The following USP5 variants were observed in gnomAD, a reference collection of about 807,000 sequenced individuals.
USP5 encodes the protein ubiquitin specific peptidase 5.
A neutral mutation model predicts 102.5 loss-of-function variants in USP5; 24 were observed. The ratio of observed to expected loss-of-function variants is 0.23; its 90% CI spans 0.17 to 0.33. The LOEUF (loss-of-function observed/expected upper bound fraction) is 0.33, where lower values mean the gene tolerates loss of function less well. Ranked by LOEUF, USP5 falls within the 10% of genes least tolerant of loss-of-function variation. The pLI, the probability that USP5 is intolerant of heterozygous loss-of-function variation, is 1.00. For missense variants in USP5, 753 were observed against 1,122.1 expected, an observed-to-expected ratio of 0.67 and a Z score of 4.70; for synonymous variants, 460 against 434.8, an observed-to-expected ratio of 1.06 and a Z score of -0.72.
In USP5 at chr12:6,865,251, G is replaced by A. The variant is rs1017601613; in HGVS notation, c.2483+3G>A. 6 of 1,613,346 alleles carry A rather than the reference G, an allele frequency of 3.7e-6. No homozygotes were observed. The highest frequency in any genetic ancestry group is 1.7e-5 in the Admixed American group (1 of 60,006). On this transcript the variant is annotated splice_donor_region_variant and intron_variant, in intron 19 of 19. Coordinates refer to ENST00000229268, the MANE Select transcript of USP5 (RefSeq NM_001098536.2). ...TGCCACATCAAGAAAGAAGGCAGGT[G>A]AGTGCTGGCCACATGCGTTTTGAAT...
Position 6,864,036 on chromosome 12 carries a change from C to T in USP5, c.2099-14C>T, listed in dbSNP as rs1555130174. ...CATCCTCCCCCAAACACATCAACCCCTTCACATCCACAGATTTTGCAAACC... is the reference window on the plus strand; with the variant it reads ...CATCCTCCCCCAAACACATCAACCCTTTCACATCCACAGATTTTGCAAACC... On this transcript the variant is annotated splice_polypyrimidine_tract_variant and intron_variant, in intron 16 of 19. Coordinates refer to ENST00000229268, the MANE Select transcript of USP5 (RefSeq NM_001098536.2). The surrounding 1 kb of genome is among the most constrained non-coding windows in gnomAD (Gnocchi z 4.8). 6.3e-7 allele frequency: 1 copy of T among 1,595,848 alleles called. No individual in the cohort carries two copies. The highest frequency in any genetic ancestry group is 1.7e-5 in the Admixed American group (1 of 58,388).
At position 6,865,122 on chromosome 12, in the gene USP5, C is replaced by T. The variant is rs1944397697; in HGVS notation, c.2399-42C>T. 5 of 1,543,098 alleles carry T rather than the reference C, an allele frequency of 3.2e-6. No individual in the cohort carries two copies. The Admixed American group carries it at 6.7e-5, about 21-fold the overall frequency. ...ATCTTTGGGCCATCACTCAAGCATT[C>T]CTCTTCTGTTTCCTTCTCTGACCCC... is the stretch of plus-strand genomic sequence containing the variant. On this transcript the variant is annotated intron_variant, in intron 18 of 19. Coordinates refer to ENST00000229268, the MANE Select transcript of USP5 (RefSeq NM_001098536.2).
intron 13 of USP5, 100 bp from the exon 14 acceptor site, chr12:6,862,370 T>A: frequency 9.7e-7 from 1 of 1,032,730 alleles, no homozygotes; most frequent in Non-Finnish European, 1.5e-6. Flanking sequence ...TTCTGGGTTA[T>A]TGGGACTTCT....
Position 6,859,631 on chromosome 12 carries a change from T to A in USP5, c.1130+90T>A, listed in dbSNP as rs185292868. ...TGACCGCCTGGGGGGCACAGCACTT[T>A]AACCCCTGGCCTTTTTTTGTTTTGT... is the stretch of plus-strand genomic sequence containing the variant. On this transcript the variant is annotated intron_variant, in intron 9 of 19. Coordinates refer to ENST00000229268, the MANE Select transcript of USP5 (RefSeq NM_001098536.2). 5.3e-4 allele frequency: 688 copies of A among 1,287,080 alleles called. 4 individuals carry two copies. In the African/African-American group the frequency reaches 8.9e-3, roughly 17 times the overall value. 79.7% of individuals were successfully genotyped at this position (1,287,080 alleles called of 1,614,324 possible). A position where few individuals can be genotyped will look rare whatever the true frequency, so the allele number is the denominator to read the frequency against.
intron 1 of USP5, among the ~76,000 whole-genome samples, chr12:6,853,791 G>C (rs1055738363): frequency 1.3e-5 from 2 of 152,218 alleles, no homozygotes; most frequent in Non-Finnish European, 1.5e-5. Flanking sequence ...GCTCATGGTA[G>C]AAAGAGCTTA....
rs1555128456 is a variant in USP5, at chr12:6,856,881, T to C, written c.759T>C (p.Pro253=). 1.2e-6 allele frequency: 2 copies of C among 1,613,688 alleles called. No homozygotes were observed. The change falls in exon 6 of 20, where the codon CCT becomes CCC. Residue 253 remains proline (P), a synonymous_variant. Coordinates refer to ENST00000229268, the MANE Select transcript of USP5 (RefSeq NM_001098536.2). This position sits in a 1 kb window ranked among gnomAD's most constrained non-coding sequence, Gnocchi z 5.6. ...CTGTCAAGCTGGGCACCATCACCCC[T>C]GATGGAGCTGGTACAGCCTCCCCTC... ...PLAVKLGTIT[P]DGADVYSYDE...
chr12:6,856,992 A>G lies in USP5; in HGVS notation c.769+101A>G. ...AATACATGAATGCATTATCTTGATA[A>G]GAAAGGAAAGTAGTCAGGTGCGGTG... On this transcript the variant is annotated intron_variant, in intron 6 of 19. Transcript: ENST00000229268. This position sits in a 1 kb window ranked among gnomAD's most constrained non-coding sequence, Gnocchi z 5.6. 7.0e-7 allele frequency: 1 copy of G among 1,422,070 alleles called. No individual in the cohort carries two copies. Among genetic ancestry groups the G allele is most frequent in the Non-Finnish European group, 9.4e-7 (1 of 1,065,156 alleles). The allele number at this position is 1,422,070 out of a possible 1,614,324, so 88.1% of individuals were successfully genotyped here. A position where few individuals can be genotyped will look rare whatever the true frequency, so the allele number is the denominator to read the frequency against.
intron 8 of USP5, among the ~76,000 whole-genome samples, chr12:6,859,268 G>A (rs782610703): frequency 3.3e-5 from 5 of 152,128 alleles, no homozygotes; most frequent in African/African-American, 9.7e-5. Context: ...CTCCTCTGCC[G>A]CCGAGCGTGC....
rs1394907745 is a variant in USP5 at position 6,855,109 on chromosome 12, G to A, written c.112-292G>A. On this transcript the variant is annotated intron_variant, in intron 1 of 19. Transcript: ENST00000229268. The surrounding 1 kb of genome is among the most constrained non-coding windows in gnomAD (Gnocchi z 4.6). ...AGCTCCAAAGCCCAAGAAGGAGCAG[G>A]TGGAAAGATAAATGGTGACTGGTGT... 1.3e-5 allele frequency among the ~76,000 whole-genome samples: 2 copies of A among 152,192 alleles called. No individual in the cohort carries two copies. The highest frequency in any genetic ancestry group is 2.9e-5 in the Non-Finnish European group (2 of 68,048).
Position 6,864,057 on chromosome 12 carries a change from A to T in USP5, c.2106A>T (p.Ala702=). The change falls in exon 17 of 20, where the codon GCA becomes GCT. Residue 702 remains alanine, a synonymous_variant. Coordinates refer to ENST00000229268, the MANE Select transcript of USP5 (RefSeq NM_001098536.2). The surrounding 1 kb of genome is among the most constrained non-coding windows in gnomAD (Gnocchi z 4.8). ...VMSHMDDPDF[A]NPLILPGSSG... ...ACCCCTTCACATCCACAGATTTTGCAAACCCCCTCATCCTGCCTGGCTCTA... is the reference window on the plus strand; with the variant it reads ...ACCCCTTCACATCCACAGATTTTGCTAACCCCCTCATCCTGCCTGGCTCTA... 6.2e-7 allele frequency: 1 copy of T among 1,605,412 alleles called. No homozygotes were observed. The highest frequency in any genetic ancestry group is 8.5e-7 in the Non-Finnish European group (1 of 1,174,782).
In USP5 at chr12:6,860,319, G is replaced by A; in HGVS notation, c.1219-47G>A. 1 of 1,613,748 alleles carries A rather than the reference G, an allele frequency of 6.2e-7. No individual in the cohort carries two copies. On this transcript the variant is annotated intron_variant, in intron 10 of 19. Transcript: ENST00000229268. This position sits in a 1 kb window ranked among gnomAD's most constrained non-coding sequence, Gnocchi z 5.5. ...TGGGAGATGTCTAAAGAAGGCCCCT[G>A]GATGGCCACTGAGCCCCAGCTGAGT...
In USP5 at chr12:6,857,638, C is replaced by A; in HGVS notation, c.779C>A (p.Ser260Ter). ...CTGCCTCCTGCTCTAGACGTGTACTCATATGATGAGGATGACATGGTCCTG... is the reference window on the plus strand; with the variant it reads ...CTGCCTCCTGCTCTAGACGTGTACTAATATGATGAGGATGACATGGTCCTG... ...TITPDGADVY[S>*]YDEDDMVLDP... is the part of the protein sequence containing the mutation. Residue 260 changes from serine (S) to a stop codon, truncating the protein, a stop_gained, in exon 7 of 20, where the codon TCA (serine) becomes TAA (stop). Coordinates refer to ENST00000229268, the MANE Select transcript of USP5 (RefSeq NM_001098536.2). LOFTEE classifies it high-confidence loss of function. 6.2e-7 allele frequency: 1 copy of A among 1,613,822 alleles called. No individual in the cohort carries two copies. The highest frequency in any genetic ancestry group is 8.5e-7 in the Non-Finnish European group (1 of 1,179,970).
At chr12:6,859,619 G>A in intron 9 of USP5, 78 bp downstream of exon 9, 1 of 1,410,894 alleles carries the variant, frequency 7.1e-7, no homozygotes, top group East Asian at 2.3e-5. Context: ...CCGCCTGGGG[G>A]GCACAGCACT....
In USP5 at chr12:6,860,376, A is replaced by G. The variant is rs898545059; in HGVS notation, c.1229A>G (p.Asp410Gly). The change falls in exon 11 of 20, where the codon GAT (aspartate) becomes GGT (glycine). Residue 410 changes from aspartate to glycine, a missense_variant. Physicochemically the swap from Asp to Gly is moderately conservative, Grantham distance 94. Around this residue, in one of 3 missense-constraint regions of USP5, gnomAD observed 527 missense variants for 816.5 expected, o/e 0.65. Coordinates refer to ENST00000229268, the MANE Select transcript of USP5 (RefSeq NM_001098536.2). The surrounding 1 kb of genome is among the most constrained non-coding windows in gnomAD (Gnocchi z 5.5). ...CCTGACTCTTCCCAGGAAGTTCAAG[A>G]TGGCATTGCCCCTCGGATGTTCAAG... ...ERVPEQKEVQ[D>G]GIAPRMFKAL... The G allele has an allele frequency of 6.2e-7, 1 of 1,614,156 alleles. No individual in the cohort carries two copies. Among genetic ancestry groups the G allele is most frequent in the Non-Finnish European group, 8.5e-7 (1 of 1,180,008 alleles).
In USP5 at chr12:6,856,750, C is replaced by T. The variant is rs782716586; in HGVS notation, c.628C>T (p.Leu210Phe). 3 of 1,614,018 alleles carry T rather than the reference C, an allele frequency of 1.9e-6. No individual in the cohort carries two copies. In the African/African-American group the frequency reaches 4.0e-5, roughly 22 times the overall value. ...GTGTGACATGAGAGAGAACCTGTGG[C>T]TCAACCTGACTGATGGCTCCATCCT... ...SKCDMRENLW[L>F]NLTDGSILCG... Residue 210 changes from leucine (L) to phenylalanine (F), a missense_variant, in exon 6 of 20, where the codon CTC (leucine) becomes TTC (phenylalanine). Coordinates refer to ENST00000229268, the MANE Select transcript of USP5 (RefSeq NM_001098536.2). This position sits in a 1 kb window ranked among gnomAD's most constrained non-coding sequence, Gnocchi z 5.6.
Position 6,861,067 on chromosome 12 carries a change from A to G in USP5, c.1459A>G (p.Met487Val), listed in dbSNP as rs782450306. 6.2e-7 allele frequency: 1 copy of G among 1,614,242 alleles called. No homozygotes were observed. Among genetic ancestry groups the G allele is most frequent in the Non-Finnish European group, 8.5e-7 (1 of 1,180,046 alleles). Residue 487 changes from methionine to valine, a missense_variant, in exon 12 of 20, where the codon ATG becomes GTG. Transcript: ENST00000229268. The surrounding 1 kb of genome is among the most constrained non-coding windows in gnomAD (Gnocchi z 4.9). The stretch of plus-strand genomic sequence containing the variant: ...GTACACCCAGCGAGTTGACTACATC[A>G]TGCAGCTGCCTGTGCCCATGGATGC... ...VKYTQRVDYIMQLPVPMDAAL... is the reference protein window; with the variant it reads ...VKYTQRVDYIVQLPVPMDAAL...
chr12:6,863,061 G>A lies in USP5; in HGVS notation c.1763-125G>A. The A allele has an allele frequency of 1.1e-6, 1 of 915,216 alleles. No individual in the cohort carries two copies. The highest frequency in any genetic ancestry group is 1.6e-6 in the Non-Finnish European group (1 of 627,862). 56.7% of individuals were successfully genotyped at this position (915,216 alleles called of 1,614,324 possible). On this transcript the variant is annotated intron_variant, in intron 14 of 19. Transcript: ENST00000229268. This position sits in a 1 kb window ranked among gnomAD's most constrained non-coding sequence, Gnocchi z 4.7. ...GTCTTATACTGGGACCCCTAAGATG[G>A]GTGCCGTGCTTTTAGCAGCTCCTCT...
Position 6,858,289 on chromosome 12 carries a change from A to G in USP5, c.865-135A>G. 1 of 870,314 alleles carries G rather than the reference A, an allele frequency of 1.1e-6. No homozygotes were observed. The highest frequency in any genetic ancestry group is 1.7e-5 in the African/African-American group (1 of 59,758). 53.9% of individuals were successfully genotyped at this position (870,314 alleles called of 1,614,324 possible). A position where few individuals can be genotyped will look rare whatever the true frequency, so the allele number is the denominator to read the frequency against. ...ACTTGAACTGGACGATACTCAACAT[A>G]CCTCCCATGTTTGAGCCTGTAATTC... is the stretch of plus-strand genomic sequence containing the variant. On this transcript the variant is annotated intron_variant, in intron 7 of 19. Coordinates refer to ENST00000229268, the MANE Select transcript of USP5 (RefSeq NM_001098536.2). This position sits in a 1 kb window ranked among gnomAD's most constrained non-coding sequence, Gnocchi z 4.2.
In USP5 at chr12:6,855,634, CA is replaced by C; in HGVS notation, c.237+109del. 1 of 1,585,930 alleles carries C rather than the reference CA, an allele frequency of 6.3e-7. No individual in the cohort carries two copies. Among genetic ancestry groups the C allele is most frequent in the East Asian group, 2.2e-5 (1 of 44,652 alleles). ...CTACTTTTGTGTCATTAAAGCTTGG[CA>C]CAGATGTTTTTTAGCTTTATTCCGT... On this transcript the variant is annotated intron_variant, in intron 2 of 19. Transcript: ENST00000229268. The surrounding 1 kb of genome is among the most constrained non-coding windows in gnomAD (Gnocchi z 4.6).
Sources: allele counts gnomAD v4.1 joint callset (sites outside exome capture counted in the v4.1 genomes callset), GRCh38; gene constraint gnomAD v4.1.1; regional missense constraint gnomAD v4.1.1; non-coding constraint Gnocchi (gnomAD v3.1); transcripts MANE v1.5; gene names NCBI Gene and HGNC (gene_info 2026-07-23, HGNC 2026-07-21).